CBX8: variants seen among roughly 807,000 people sequenced by gnomAD.
CBX8 encodes chromobox protein homolog 8.
Under a neutral mutation model 39.7 loss-of-function variants are expected in CBX8, and 8 were observed. The ratio of observed to expected loss-of-function variants is 0.20; its 90% CI spans 0.12 to 0.36. The LOEUF (loss-of-function observed/expected upper bound fraction) is 0.36, where lower values mean the gene tolerates loss of function less well. CBX8 is among the 10% of genes least tolerant of loss of function. The probability of loss-of-function intolerance (pLI) is 1.00; values close to 1 mark genes in which losing one functional copy is unlikely to be tolerated. For synonymous variants in CBX8, 268 were observed against 219.8 expected (o/e 1.22, Z -1.94); for missense variants, 505 against 529.6 (o/e 0.95, Z 0.46).
rs2145839795 is a variant in CBX8 at position 79,796,945 on chromosome 17, C to T, written c.54G>A (p.Lys18=). ...GGGCACCTACTTTCCGTATGCGCCG[C>T]TTCAGGAGGGCTTCGGCCGCGAACA... ...ERVFAAEALL[K]RRIRKGRMEY... is the part of the protein sequence containing the mutation. Residue 18 remains lysine, a synonymous_variant, in exon 1 of 5, where the codon AAG becomes AAA. Coordinates refer to ENST00000269385, the MANE Select transcript of CBX8 (RefSeq NM_020649.3). 1 of 1,610,558 alleles carries T rather than the reference C, an allele frequency of 6.2e-7. No individual in the cohort carries two copies. Among genetic ancestry groups the T allele is most frequent in the Admixed American group, 1.7e-5 (1 of 59,848 alleles).
rs1907964746 is a variant in CBX8, at chr17:79,793,833, GAA to G, written c.*800_*801del. 1 of 152,180 alleles carries G rather than the reference GAA, an allele frequency of 6.6e-6. No individual in the cohort carries two copies. The highest frequency in any genetic ancestry group is 2.4e-5 in the African/African-American group (1 of 41,442). 9.4% of individuals were successfully genotyped at this position (152,180 alleles called of 1,614,324 possible). A position where few individuals can be genotyped will look rare whatever the true frequency, so the allele number is the denominator to read the frequency against. ...ATTTCTTTTCTTTCTGCGGAGTAAG[GAA>G]AGGAACGAGGGAACGGGGAGATTTT... is the stretch of plus-strand genomic sequence containing the variant. On this transcript the variant is annotated 3_prime_UTR_variant, in exon 5 of 5. Coordinates refer to ENST00000269385, the MANE Select transcript of CBX8 (RefSeq NM_020649.3).
rs902077838 is a variant in CBX8, at chr17:79,794,577, T to G, written c.*58A>C. The stretch of plus-strand genomic sequence containing the variant: ...TCCCACCCAGAAATAAAAATCACTA[T>G]GCCAAGCTCACGCTCACTCTCTCCC... On this transcript the variant is annotated 3_prime_UTR_variant, in exon 5 of 5. Transcript: ENST00000269385. 26 of 1,341,100 alleles carry G rather than the reference T, an allele frequency of 1.9e-5. No individual in the cohort carries two copies. Among genetic ancestry groups the G allele is most frequent in the Non-Finnish European group, 2.4e-5 (24 of 982,372 alleles). The allele number at this position is 1,341,100 out of a possible 1,614,324, so 83.1% of individuals were successfully genotyped here.
chr17:79,794,862 T>TG lies in CBX8; in HGVS notation c.942dup (p.Ser315GlnfsTer43), dbSNP rs755669870. 3.1e-6 allele frequency: 5 copies of TG among 1,608,962 alleles called. No individual in the cohort carries two copies. The highest frequency in any genetic ancestry group is 1.7e-6 in the Non-Finnish European group (2 of 1,177,654). On this transcript the variant is annotated frameshift_variant, in exon 5 of 5. Transcript: ENST00000269385. LOFTEE classifies it high-confidence loss of function. ...TCCCGGTACAGGCCCCCCCCAGAGC[T>TG]GGGGGGGCCTGAGCCATGTCGGACC...
chr17:79,793,304 T>C lies in CBX8; in HGVS notation c.*1331A>G, dbSNP rs959403059. On this transcript the variant is annotated 3_prime_UTR_variant, in exon 5 of 5. Transcript: ENST00000269385. ...GCGAATCGAAAAGACCTATAAATTA[T>C]AGCTTTTGCTTTTAAGAAGGACGGG... 6.6e-6 allele frequency: 1 copy of C among 152,068 alleles called. No individual in the cohort carries two copies. Among genetic ancestry groups the C allele is most frequent in the African/African-American group, 2.4e-5 (1 of 41,414 alleles). The allele number at this position is 152,068 out of a possible 1,614,324, so 9.4% of individuals were successfully genotyped here. A position where few individuals can be genotyped will look rare whatever the true frequency, so the allele number is the denominator to read the frequency against.
In CBX8 at chr17:79,795,172, T is replaced by G; in HGVS notation, c.633A>C (p.Ser211=). 1 of 1,613,708 alleles carries G rather than the reference T, an allele frequency of 6.2e-7. No individual in the cohort carries two copies. Among genetic ancestry groups the G allele is most frequent in the Non-Finnish European group, 8.5e-7 (1 of 1,179,928 alleles). ...PKPRKELPDP[S]QRPLGEPSAG... ...CGCTGGGTTCGCCTAAGGGCCTCTGTGAGGGGTCCGGGAGCTCCTTCCGGG... is the reference window on the plus strand; with the variant it reads ...CGCTGGGTTCGCCTAAGGGCCTCTGGGAGGGGTCCGGGAGCTCCTTCCGGG... The change falls in exon 5 of 5, where the codon TCA becomes TCC. Residue 211 remains serine (S), a synonymous_variant. Coordinates refer to ENST00000269385, the MANE Select transcript of CBX8 (RefSeq NM_020649.3). This position sits in a 1 kb window ranked among gnomAD's most constrained non-coding sequence, Gnocchi z 5.8.
chr17:79,796,207 A>C, intron 3 of CBX8, 43 bp downstream of exon 3: 1 of 1,612,844 alleles, frequency 6.2e-7, no homozygotes, highest in South Asian at 1.1e-5. Context: ...AAGCCACTCT[A>C]CTTGTTTCTA....
rs906149923 is a variant in CBX8, at chr17:79,792,492, A to C, written c.*2143T>G. The stretch of plus-strand genomic sequence containing the variant: ...GGGCAAAGTCAGCCCCCAGGAAGGG[A>C]GGGAGGTGGGAGTAAAGGACAGGCG... On this transcript the variant is annotated 3_prime_UTR_variant, in exon 5 of 5. Transcript: ENST00000269385. 2.0e-5 allele frequency: 3 copies of C among 152,474 alleles called. No homozygotes were observed. Among genetic ancestry groups the C allele is most frequent in the African/African-American group, 4.8e-5 (2 of 41,430 alleles). 9.4% of individuals were successfully genotyped at this position (152,474 alleles called of 1,614,324 possible).
In CBX8 at chr17:79,796,265, G is replaced by A. The variant is rs760284596; in HGVS notation, c.164C>T (p.Ala55Val). ...EENILDARLL[A>V]AFEEREREME... ...GGGTCTGTACCTTTCCTCAAAGGCT[G>A]CGAGCAAGCGAGCATCCAGGATGTT... The change falls in exon 3 of 5, where the codon GCA becomes GTA. Residue 55 changes from alanine to valine, a missense_variant. Coordinates refer to ENST00000269385, the MANE Select transcript of CBX8 (RefSeq NM_020649.3). 12 of 1,614,198 alleles carry A rather than the reference G, an allele frequency of 7.4e-6. No individual in the cohort carries two copies. In the Admixed American group the frequency reaches 2.0e-4, roughly 27 times the overall value.
chr17:79,796,103 T>C lies in CBX8; in HGVS notation c.200A>G (p.Tyr67Cys), dbSNP rs1334666284. Residue 67 changes from tyrosine to cysteine, a missense_variant, in exon 4 of 5, where the codon TAT (tyrosine) becomes TGT (cysteine). Tyr to Cys is a radical substitution (Grantham distance 194). Around this residue, in one of 3 missense-constraint regions of CBX8, gnomAD observed 32 missense variants for 101.4 expected, o/e 0.32. Transcript: ENST00000269385. ...CTTGGGTCCACGCTTTTTGGGGCCA[T>C]AGAGCTCCATCTCTCTTTCCCTGGA... The part of the protein sequence containing the change: ...FEEREREMEL[Y>C]GPKKRGPKPK... 1.2e-6 allele frequency: 2 copies of C among 1,614,104 alleles called. No individual in the cohort carries two copies. Among genetic ancestry groups the C allele is most frequent in the Non-Finnish European group, 1.7e-6 (2 of 1,180,020 alleles).
chr17:79,796,612 A>T, intron 1 of CBX8, 72 bp from the exon 2 acceptor site: 8 of 1,523,472 alleles, frequency 5.3e-6, no homozygotes, highest in Non-Finnish European at 7.3e-6. Flanking sequence ...AATGCATGCG[A>T]AAATGCATGC....
At position 79,793,527 on chromosome 17, in the gene CBX8, C is replaced by CCCG. The variant is rs1043327878; in HGVS notation, c.*1105_*1107dup. The CCCG allele has an allele frequency of 6.6e-6, 1 of 152,548 alleles. No individual in the cohort carries two copies. The highest frequency in any genetic ancestry group is 2.4e-5 in the African/African-American group (1 of 41,434). The allele number at this position is 152,548 out of a possible 1,614,324, so 9.4% of individuals were successfully genotyped here. ...TGCGAAGCCACTGCTCCTAGCAGCG[C>CCCG]CCGCCGCCGCGCCTCCCTCCGTGGG... On this transcript the variant is annotated 3_prime_UTR_variant, in exon 5 of 5. Coordinates refer to ENST00000269385, the MANE Select transcript of CBX8 (RefSeq NM_020649.3).
Position 79,796,985 on chromosome 17 carries a change from G to C in CBX8, c.14C>G (p.Ala5Gly). The C allele has an allele frequency of 6.2e-7, 1 of 1,610,410 alleles. No individual in the cohort carries two copies. The highest frequency in any genetic ancestry group is 8.5e-7 in the Non-Finnish European group (1 of 1,178,822). MELS[A>G]VGERVFAAEA... ...GGCCGCGAACACCCGCTCCCCCACCGCTGAAAGCTCCATGTTGACTCGCCG... is the reference window on the plus strand; with the variant it reads ...GGCCGCGAACACCCGCTCCCCCACCCCTGAAAGCTCCATGTTGACTCGCCG... Residue 5 changes from alanine to glycine, a missense_variant, in exon 1 of 5, where the codon GCG (alanine) becomes GGG (glycine). This residue lies in a region of CBX8 where 32 missense variants were observed against 101.4 expected (regional missense o/e 0.32). Transcript: ENST00000269385.
At position 79,795,514 on chromosome 17, in the gene CBX8, G is replaced by C; in HGVS notation, c.291C>G (p.Asp97Glu). The C allele has an allele frequency of 6.5e-7, 1 of 1,542,402 alleles. No homozygotes were observed. The highest frequency in any genetic ancestry group is 8.7e-7 in the Non-Finnish European group (1 of 1,146,624). Residue 97 changes from aspartate (D) to glutamate (E), a missense_variant, in exon 5 of 5, where the codon GAC (aspartate) becomes GAG (glutamate). This residue lies in a region of CBX8 where 456 missense variants were observed against 389.2 expected (regional missense o/e 1.17). Coordinates refer to ENST00000269385, the MANE Select transcript of CBX8 (RefSeq NM_020649.3). This position sits in a 1 kb window ranked among gnomAD's most constrained non-coding sequence, Gnocchi z 5.8. The part of the protein sequence containing the change: ...AKAKTYEFRS[D>E]SARGIRIPYP... The stretch of plus-strand genomic sequence containing the variant: ...AGGGGATCCGGATGCCCCTGGCTGA[G>C]TCACTTCGAAACTCGTAAGTTTTGG...
In CBX8 at chr17:79,796,041, G is replaced by A. The variant is rs1245489814; in HGVS notation, c.246+16C>T. The A allele has an allele frequency of 6.2e-7, 1 of 1,613,246 alleles. No homozygotes were observed. Among genetic ancestry groups the A allele is most frequent in the African/African-American group, 1.3e-5 (1 of 75,004 alleles). Reference sequence around the variant, plus strand: ...TCCATAACATGGTCCTCCACCATTGGACACTGCCAACCTACTTTGAGGAGG... The same window carrying A: ...TCCATAACATGGTCCTCCACCATTGAACACTGCCAACCTACTTTGAGGAGG... On this transcript the variant is annotated intron_variant, in intron 4 of 4. Coordinates refer to ENST00000269385, the MANE Select transcript of CBX8 (RefSeq NM_020649.3).
In CBX8 at chr17:79,797,004, C is replaced by G; in HGVS notation, c.-6G>C. ...CCCACCGCTGAAAGCTCCATGTTGA[C>G]TCGCCGCTTCCCCCCTTGGCCGCTT... On this transcript the variant is annotated 5_prime_UTR_variant, in exon 1 of 5. Coordinates refer to ENST00000269385, the MANE Select transcript of CBX8 (RefSeq NM_020649.3). 2.5e-6 allele frequency: 4 copies of G among 1,608,500 alleles called. No homozygotes were observed. The Admixed American group carries it at 5.0e-5, about 20-fold the overall frequency.
chr17:79,795,289 C>CCGCTCCCTCTCT lies in CBX8; in HGVS notation c.504_515dup (p.Glu177_Arg180dup), dbSNP rs997924952. 2 of 1,597,938 alleles carry CCGCTCCCTCTCT rather than the reference C, an allele frequency of 1.3e-6. No individual in the cohort carries two copies. The highest frequency in any genetic ancestry group is 2.7e-5 in the African/African-American group (2 of 74,808). ...CCCGCTCTCGTTCCCTCTCACGTTC[C>CCGCTCCCTCTCT]CGCTCCCTCTCTCGCTCCCTCTCCC... On this transcript the variant is annotated inframe_insertion, in exon 5 of 5. Transcript: ENST00000269385. The surrounding 1 kb of genome is among the most constrained non-coding windows in gnomAD (Gnocchi z 5.8).
In CBX8 at chr17:79,794,642, TTC is replaced by T; in HGVS notation, c.1161_1162del (p.Arg389MetfsTer16). On this transcript the variant is annotated frameshift_variant, in exon 5 of 5. Transcript: ENST00000269385. LOFTEE classifies it high-confidence loss of function. Reference sequence around the variant, plus strand: ...GACACACCCACCCAGCATTCATCTTTTCTCTTTAAAAAAGCCTTGGTCCGTGT... The same window carrying T: ...GACACACCCACCCAGCATTCATCTTTTCTTTAAAAAAGCCTTGGTCCGTGT... 1 of 1,564,480 alleles carries T rather than the reference TTC, an allele frequency of 6.4e-7. No homozygotes were observed. The highest frequency in any genetic ancestry group is 8.6e-7 in the Non-Finnish European group (1 of 1,159,274).
rs780067023 is a variant in CBX8, at chr17:79,794,856, C to A, written c.949G>T (p.Gly317Trp). The A allele has an allele frequency of 9.3e-6, 15 of 1,608,710 alleles. No homozygotes were observed. Among genetic ancestry groups the A allele is most frequent in the Non-Finnish European group, 1.3e-5 (15 of 1,177,388 alleles). The change falls in exon 5 of 5, where the codon GGG becomes TGG. Residue 317 changes from glycine to tryptophan, a missense_variant. Physicochemically the swap from Gly to Trp is radical, Grantham distance 184. Around this residue, in one of 3 missense-constraint regions of CBX8, gnomAD observed 456 missense variants for 389.2 expected, o/e 1.17. Transcript: ENST00000269385. Reference protein sequence around the residue: ...VRHGSGPPSSGGGLYRDMGAQ... With the variant: ...VRHGSGPPSSWGGLYRDMGAQ... ...CCCATGTCCCGGTACAGGCCCCCCCCAGAGCTGGGGGGGCCTGAGCCATGT... is the reference window on the plus strand; with the variant it reads ...CCCATGTCCCGGTACAGGCCCCCCCAAGAGCTGGGGGGGCCTGAGCCATGT...
Position 79,795,276 on chromosome 17 carries a change from C to A in CBX8, c.529G>T (p.Glu177Ter). Residue 177 changes from glutamate (E) to a stop codon, truncating the protein, a stop_gained, in exon 5 of 5, where the codon GAA (glutamate) becomes TAA (stop). Coordinates refer to ENST00000269385, the MANE Select transcript of CBX8 (RefSeq NM_020649.3). LOFTEE classifies it high-confidence loss of function. The surrounding 1 kb of genome is among the most constrained non-coding windows in gnomAD (Gnocchi z 5.8). ...ERERERERER[E>*]RERGTSRVDD... ...ACTCTGCTGGTACCCCGCTCTCGTT[C>A]CCTCTCACGTTCCCGCTCCCTCTCT... The A allele has an allele frequency of 6.2e-7, 1 of 1,606,348 alleles. No individual in the cohort carries two copies. Among genetic ancestry groups the A allele is most frequent in the Admixed American group, 1.7e-5 (1 of 58,590 alleles).
Sources: allele counts gnomAD v4.1 joint callset, GRCh38; gene constraint gnomAD v4.1.1; regional missense constraint gnomAD v4.1.1; non-coding constraint Gnocchi (gnomAD v3.1); transcripts MANE v1.5; gene names NCBI Gene and HGNC (gene_info 2026-07-23, HGNC 2026-07-21).